Variants in PDE10A observed in about 807,000 individuals in gnomAD.
PDE10A encodes the protein cAMP and cAMP-inhibited cGMP 3',5'-cyclic phosphodiesterase 10A.
Under a neutral mutation model 97.7 loss-of-function variants are expected in PDE10A, and 39 were observed. The ratio of observed to expected loss-of-function variants is 0.40; its 90% CI spans 0.31 to 0.52. The LOEUF is 0.52. Ranked by LOEUF, PDE10A falls within the 20% of genes least tolerant of loss-of-function variation. The pLI is 0.56. For synonymous variants in PDE10A, 371 were observed against 376.8 expected (o/e 0.98, Z 0.18); for missense variants, 731 against 1,047.8 (o/e 0.70, Z 4.17).
intron 1 of PDE10A, among the ~76,000 whole-genome samples, chr6:165,951,552 C>T (rs779878068): frequency 9.9e-5 from 15 of 152,124 alleles, no homozygotes; most frequent in Admixed American, 7.2e-4. Flanking sequence ...TTCTTCTGCA[C>T]CACTCACGAC....
At chr6:165,412,303 G>T (rs1787922886) in intron 13 of PDE10A, among the ~76,000 whole-genome samples, 1 of 152,014 alleles carries the variant, frequency 6.6e-6, no homozygotes, top group Non-Finnish European at 1.5e-5. Context: ...TCTTGCTATT[G>T]TGTTTTTTAA....
intron 17 of PDE10A, among the ~76,000 whole-genome samples, chr6:165,383,831 G>C (rs554604082): frequency 1.4e-4 from 22 of 152,294 alleles, no homozygotes; most frequent in Admixed American, 3.9e-4. Context: ...TGTAAAAGGG[G>C]GCAGTGCTGT....
Position 165,333,057 on chromosome 6 carries a change from C to T in PDE10A, c.3136G>A (p.Val1046Met), listed in dbSNP as rs549106980. The T allele has an allele frequency of 1.4e-4, 220 of 1,612,632 alleles. 3 individuals carry two copies. Among genetic ancestry groups the T allele is most frequent in the South Asian group, 1.3e-3 (119 of 91,060 alleles). The change falls in exon 22 of 22, where the codon GTG (valine) becomes ATG (methionine). Residue 1046 changes from valine to methionine, a missense_variant. Val to Met is a conservative substitution (Grantham distance 21, BLOSUM62 1). Around this residue, in one of 8 missense-constraint regions of PDE10A, gnomAD observed 34 missense variants for 29.7 expected, o/e 1.14. Coordinates refer to ENST00000539869, the MANE Select transcript of PDE10A (RefSeq NM_001385079.1). ...TCAGATGCAGCTGCCTTCTGAGCCA[C>T]GGATGGGGATGAAATCCAGGTTGCA... ...ETATWISSPS[V>M]AQKAAASED
chr6:165,917,409 G>A (rs1002581417), intron 1 of PDE10A, among the ~76,000 whole-genome samples: 8 of 152,172 alleles, frequency 5.3e-5, no homozygotes, highest in Admixed American at 3.9e-4. Context: ...AGCTAAGCTG[G>A]ACAAGGTTGG....
chr6:165,756,087 G>C (rs533612340), intron 1 of PDE10A, among the ~76,000 whole-genome samples: 2 of 152,106 alleles, frequency 1.3e-5, no homozygotes, highest in East Asian at 3.9e-4. Flanking sequence ...CAGCAAATGA[G>C]GCTCTGGGAA....
chr6:165,691,746 G>A (rs1408321733), intron 1 of PDE10A, among the ~76,000 whole-genome samples: 1 of 152,196 alleles, frequency 6.6e-6, no homozygotes, highest in Non-Finnish European at 1.5e-5. Flanking sequence ...CTCCCAGGTG[G>A]CCATGCCTTC....
intron 1 of PDE10A, among the ~76,000 whole-genome samples, chr6:165,551,184 C>G (rs2128329272): frequency 6.6e-6 from 1 of 152,292 alleles, no homozygotes; most frequent in African/African-American, 2.4e-5. Flanking sequence ...TATGTAAAAC[C>G]TTCCTTTATT....
At chr6:165,401,585 C>A (rs942082718) in intron 13 of PDE10A, among the ~76,000 whole-genome samples, 1 of 152,170 alleles carries the variant, frequency 6.6e-6, no homozygotes, top group African/African-American at 2.4e-5. Flanking sequence ...CATGAACATT[C>A]TGAAATCATC....
chr6:165,948,471 C>T (rs564248241), intron 1 of PDE10A: 4 of 152,412 alleles, frequency 2.6e-5, no homozygotes, highest in Admixed American at 1.3e-4. Context: ...TACCTCCCAC[C>T]GGGAAGGCTC....
chr6:165,362,551 A>G (rs1474982664), intron 18 of PDE10A, among the ~76,000 whole-genome samples: 1 of 152,210 alleles, frequency 6.6e-6, no homozygotes, highest in Non-Finnish European at 1.5e-5. Context: ...AAAAGTACAA[A>G]GACTGAATTA....
At chr6:165,539,679 C>T (rs929387999) in intron 2 of PDE10A, among the ~76,000 whole-genome samples, 4 of 151,994 alleles carry the variant, frequency 2.6e-5, no homozygotes, top group Admixed American at 6.6e-5. Flanking sequence ...CCCAGCGCTC[C>T]GGGAGGCTGG....
At chr6:165,453,534 T>A (rs1478504882) in intron 3 of PDE10A, among the ~76,000 whole-genome samples, 1 of 152,034 alleles carries the variant, frequency 6.6e-6, no homozygotes, top group Non-Finnish European at 1.5e-5. Context: ...AACCTCAGCT[T>A]TTGCTGCCCA....
Position 165,679,630 on chromosome 6 carries a change from C to T in PDE10A, c.-614-136062G>A, listed in dbSNP as rs1356287929. Among the ~76,000 whole-genome samples, 3 of 152,336 alleles carry T rather than the reference C, an allele frequency of 2.0e-5. No homozygotes were observed. The East Asian group carries it at 5.8e-4, about 29-fold the overall frequency. ...CTTCAGGTCAAAGGCTGATCTCTTA[C>T]ACTTTGGAAAAATAGATACAGTTGA... On this transcript the variant is annotated intron_variant, in intron 1 of 19. Coordinates refer to the PDE10A transcript ENST00000366882.
intron 1 of PDE10A, among the ~76,000 whole-genome samples, chr6:165,816,179 G>A (rs1022585345): frequency 1.3e-5 from 2 of 152,084 alleles, no homozygotes; most frequent in Non-Finnish European, 2.9e-5. Flanking sequence ...TCAATCTCCT[G>A]ACCTCGTGAT....
chr6:165,387,400 G>T (rs997543112), intron 17 of PDE10A, among the ~76,000 whole-genome samples: 1 of 152,118 alleles, frequency 6.6e-6, no homozygotes, highest in Non-Finnish European at 1.5e-5. Context: ...TAAATGAGGA[G>T]GCACTAAGAG....
chr6:165,530,581 C>A (rs118027583), intron 2 of PDE10A, among the ~76,000 whole-genome samples: 1,705 of 149,702 alleles, frequency 0.011, 28 homozygotes, highest in Admixed American at 0.026. Context: ...CATCATGCAA[C>A]AGACCCATGT....
intron 6 of PDE10A, 32 bp downstream of exon 6, chr6:165,435,205 A>G (rs1288017219): frequency 1.9e-6 from 3 of 1,575,724 alleles, no homozygotes; most frequent in African/African-American, 1.4e-5. Flanking sequence ...CTTTAGGTCA[A>G]AAGTGTCACA....
At chr6:165,761,886 C>A (rs1178899088) in intron 1 of PDE10A, among the ~76,000 whole-genome samples, 1 of 152,158 alleles carries the variant, frequency 6.6e-6, no homozygotes, top group Admixed American at 6.5e-5. Flanking sequence ...AAATGATATT[C>A]TCTGTAATTA....
intron 1 of PDE10A, among the ~76,000 whole-genome samples, chr6:165,778,943 G>A (rs547670049): frequency 6.6e-6 from 1 of 151,994 alleles, no homozygotes; most frequent in Non-Finnish European, 1.5e-5. Context: ...TATTGGTGTG[G>A]CAAGTGTCTT....
Sources: allele counts gnomAD v4.1 joint callset (sites outside exome capture counted in the v4.1 genomes callset), GRCh38; gene constraint gnomAD v4.1.1; regional missense constraint gnomAD v4.1.1; transcripts MANE v1.5; gene names NCBI Gene and HGNC (gene_info 2026-07-23, HGNC 2026-07-21).